KCNH1: variants seen among roughly 807,000 people sequenced by gnomAD.
The protein encoded by KCNH1 is voltage-gated delayed rectifier potassium channel KCNH1.
KCNH1 carries 27 observed loss-of-function variants against 69.2 expected under a neutral mutation model. The observed-to-expected ratio is 0.39, with a 90% CI of 0.29 to 0.54. The LOEUF is 0.54. Among genes scored for constraint, KCNH1 ranks in the 20% least tolerant of loss-of-function variants. The probability of loss-of-function intolerance (pLI) is 0.68; values close to 1 mark genes in which losing one functional copy is unlikely to be tolerated. For missense variants in KCNH1, 798 were observed against 1,261.6 expected (o/e 0.63, Z 5.57); for synonymous variants, 456 against 487.7 (o/e 0.93, Z 0.86).
In KCNH1 at chr1:211,016,368, T is replaced by C. The variant is rs182393201; in HGVS notation, c.1032+2415A>G. On this transcript the variant is annotated intron_variant, in intron 6 of 10. Transcript: ENST00000271751. Reference sequence around the variant, plus strand: ...GTTCTGCCAATTTTTAATAAGAATCTGTGGAAGCTGGAGAACTGTTCTATT... The same window carrying C: ...GTTCTGCCAATTTTTAATAAGAATCCGTGGAAGCTGGAGAACTGTTCTATT... 3.3e-4 allele frequency among the ~76,000 whole-genome samples: 50 copies of C among 152,322 alleles called. 1 individual carries two copies. Among genetic ancestry groups the C allele is most frequent in the African/African-American group, 1.2e-3 (50 of 41,576 alleles).
intron 6 of KCNH1, among the ~76,000 whole-genome samples, chr1:210,995,359 T>C (rs1478423314): frequency 2.0e-5 from 3 of 152,188 alleles, no homozygotes; most frequent in African/African-American, 7.2e-5. Flanking sequence ...TTGGCCCAGA[T>C]AAACTTAAGC....
In KCNH1 at chr1:211,109,693, A is replaced by C. The variant is rs888385020; in HGVS notation, c.80-2316T>G. Among the ~76,000 whole-genome samples the C allele has an allele frequency of 7.9e-5, 12 of 152,162 alleles. No individual in the cohort carries two copies. In the South Asian group the frequency reaches 1.0e-3, roughly 13 times the overall value. On this transcript the variant is annotated intron_variant, in intron 1 of 10. Coordinates refer to ENST00000271751, the MANE Select transcript of KCNH1 (RefSeq NM_172362.3). ...TATTTTCTCTTGTATACCAGACCCC[A>C]GTAAAATAAAAGTAAACAAATTAAA...
intron 10 of KCNH1, among the ~76,000 whole-genome samples, chr1:210,691,154 T>C (rs1348451388): frequency 6.6e-5 from 10 of 152,208 alleles, no homozygotes; most frequent in Non-Finnish European, 1.5e-4. Flanking sequence ...TATTACTCTT[T>C]GTGGGGGCTT....
Position 210,920,068 on chromosome 1 carries a change from C to T in KCNH1, c.1034G>A (p.Gly345Asp). Residue 345 changes from glycine to aspartate, a missense_variant and splice_region_variant, in exon 7 of 11, where the codon GGC (glycine) becomes GAC (aspartate). Gly to Asp is a moderately conservative substitution (Grantham distance 94, BLOSUM62 -1). Coordinates refer to ENST00000271751, the MANE Select transcript of KCNH1 (RefSeq NM_172362.3). ...PPPLEGRESQ[G>D]ISSLFSSLKV... ...TAGAGAGCTGAACAGGCTGCTGATG[C>T]CCTGGGAGAAGAGGAACACAGCGTC... The T allele has an allele frequency of 6.2e-7, 1 of 1,610,580 alleles. No homozygotes were observed. The highest frequency in any genetic ancestry group is 8.5e-7 in the Non-Finnish European group (1 of 1,177,614).
chr1:211,120,780 A>G (rs1691670593), intron 1 of KCNH1, among the ~76,000 whole-genome samples: 1 of 152,158 alleles, frequency 6.6e-6, no homozygotes. Context: ...TGTTTAGAAA[A>G]CACCATCATC....
chr1:210,687,386 G>A (rs1176644506), intron 10 of KCNH1, among the ~76,000 whole-genome samples: 3 of 152,222 alleles, frequency 2.0e-5, no homozygotes, highest in Admixed American at 1.3e-4. Flanking sequence ...GACACTCAAT[G>A]ACAGGGCCTG....
chr1:210,684,124 C>A lies in KCNH1; in HGVS notation c.2127G>T (p.Lys709Asn), dbSNP rs1193125789. 1 of 1,509,056 alleles carries A rather than the reference C, an allele frequency of 6.6e-7. No homozygotes were observed. Among genetic ancestry groups the A allele is most frequent in the East Asian group, 2.3e-5 (1 of 43,790 alleles). The allele number at this position is 1,509,056 out of a possible 1,614,324, so 93.5% of individuals were successfully genotyped here. ...YNLRKRIVFRKISDVKREEEE... is the reference protein window; with the variant it reads ...YNLRKRIVFRNISDVKREEEE... ...CCTCTTCACGTTTCACATCGCTGATCTTCCGGAACACAATCTGGAGAGAGA... is the reference window on the plus strand; with the variant it reads ...CCTCTTCACGTTTCACATCGCTGATATTCCGGAACACAATCTGGAGAGAGA... The change falls in exon 11 of 11, where the codon AAG becomes AAT. Residue 709 changes from lysine (K) to asparagine (N), a missense_variant. Lys to Asn is a moderately conservative substitution (Grantham distance 94). Around this residue, in one of 4 missense-constraint regions of KCNH1, gnomAD observed 197 missense variants for 407.7 expected, o/e 0.48. Coordinates refer to ENST00000271751, the MANE Select transcript of KCNH1 (RefSeq NM_172362.3).
chr1:211,110,747 G>A (rs1241942161), intron 1 of KCNH1, among the ~76,000 whole-genome samples: 2 of 152,088 alleles, frequency 1.3e-5, no homozygotes, highest in Non-Finnish European at 2.9e-5. Flanking sequence ...TTTACTTAAA[G>A]TTGCAAAGAT....
At chr1:211,097,324 A>G (rs982420076) in intron 3 of KCNH1, among the ~76,000 whole-genome samples, 2 of 152,184 alleles carry the variant, frequency 1.3e-5, no homozygotes, top group Non-Finnish European at 2.9e-5. Context: ...AAGGAAAAAA[A>G]GGAAACGTAT....
chr1:210,814,006 G>A (rs1045056449), intron 7 of KCNH1, among the ~76,000 whole-genome samples: 6 of 152,138 alleles, frequency 3.9e-5, no homozygotes, highest in East Asian at 1.9e-4. Flanking sequence ...CCAGCCACAC[G>A]GAACTGTGAG....
chr1:210,982,242 ATT>A (rs777876385), intron 6 of KCNH1, among the ~76,000 whole-genome samples: 6 of 151,574 alleles, frequency 4.0e-5, no homozygotes, highest in African/African-American at 1.5e-4. Context: ...TATTATTATT[ATT>A]ATTATAAAGT....
chr1:211,078,467 C>T (rs938066970), intron 5 of KCNH1, among the ~76,000 whole-genome samples: 1 of 152,184 alleles, frequency 6.6e-6, no homozygotes, highest in Admixed American at 6.5e-5. Context: ...AAGAAACTCA[C>T]TCAAAACCGC....
intron 10 of KCNH1, among the ~76,000 whole-genome samples, chr1:210,754,001 G>A (rs1230256249): frequency 4.0e-5 from 6 of 150,410 alleles, no homozygotes; most frequent in Admixed American, 6.7e-5. Context: ...TGCAAGCCCC[G>A]CCTCCTGGGT....
rs78089244 is a variant in KCNH1 at position 210,991,460 on chromosome 1, G to A, written c.1032+27323C>T. On this transcript the variant is annotated intron_variant, in intron 6 of 10. Coordinates refer to ENST00000271751, the MANE Select transcript of KCNH1 (RefSeq NM_172362.3). ...GTGGTTAACAGAGGCTGAGGAGGCA[G>A]GGGGAGTGGAGGAGATGTTGGTCAA... is the stretch of plus-strand genomic sequence containing the variant. Among the ~76,000 whole-genome samples, 1,159 of 152,234 alleles carry A rather than the reference G, an allele frequency of 7.6e-3. 18 individuals carry two copies. Among genetic ancestry groups the A allele is most frequent in the African/African-American group, 0.026 (1,099 of 41,540 alleles).
At chr1:210,787,892 A>G (rs1177259220) in intron 9 of KCNH1, among the ~76,000 whole-genome samples, 1 of 152,244 alleles carries the variant, frequency 6.6e-6, no homozygotes, top group Non-Finnish European at 1.5e-5. Flanking sequence ...TGTGGGGACT[A>G]TGCTGATCAT....
In KCNH1 at chr1:211,004,237, C is replaced by T. The variant is rs147284073; in HGVS notation, c.1032+14546G>A. On this transcript the variant is annotated intron_variant, in intron 6 of 10. Transcript: ENST00000271751. The stretch of plus-strand genomic sequence containing the variant: ...TGGTCACCAGCAGACTAAATAAATG[C>T]TAAAGGGTGTTCCTCAGGCAGAAAG... Among the ~76,000 whole-genome samples the T allele has an allele frequency of 2.9e-3, 435 of 152,022 alleles. 4 individuals are homozygous for T. Among genetic ancestry groups the T allele is most frequent in the African/African-American group, 0.01 (416 of 41,466 alleles).
At chr1:210,730,795 A>G (rs17260725) in intron 10 of KCNH1, among the ~76,000 whole-genome samples, 28,057 of 152,164 alleles carry the variant, frequency 0.18, 3,440 homozygotes, top group Non-Finnish European at 0.28. Flanking sequence ...TGTTCTTTTC[A>G]AATTACACTT....
chr1:210,801,326 T>C (rs1217548613), intron 8 of KCNH1, among the ~76,000 whole-genome samples: 3 of 152,112 alleles, frequency 2.0e-5, no homozygotes, highest in Non-Finnish European at 4.4e-5. Flanking sequence ...CTGACCTAGA[T>C]TGGAGGGGAG....
chr1:210,872,068 A>C (rs1448578666), intron 7 of KCNH1, among the ~76,000 whole-genome samples: 1 of 151,822 alleles, frequency 6.6e-6, no homozygotes, highest in Non-Finnish European at 1.5e-5. Context: ...TAAATTAAAA[A>C]AAACAAAATA....
Sources: gnomAD v4.1 joint callset for allele counts (sites outside exome capture counted in the v4.1 genomes callset) on GRCh38, gnomAD v4.1.1 for gene constraint, gnomAD v4.1.1 regional missense constraint, MANE v1.5 for transcripts, NCBI Gene and HGNC (gene_info 2026-07-23, HGNC 2026-07-21) for gene names.